Variants in EIPR1 observed in about 807,000 individuals in gnomAD.
EIPR1 encodes the protein EARP and GARP complex-interacting protein 1.
Under a neutral mutation model 48.1 loss-of-function variants are expected in EIPR1, and 25 were observed. The ratio of observed to expected loss-of-function variants is 0.52; its 90% CI spans 0.38 to 0.73. The LOEUF (loss-of-function observed/expected upper bound fraction) is 0.73, where lower values mean the gene tolerates loss of function less well. Among genes scored for constraint, EIPR1 ranks in the 30% least tolerant of loss-of-function variants. The pLI is 0.00. For missense variants in EIPR1, 415 were observed against 506.2 expected (o/e 0.82, Z 1.73); for synonymous variants, 204 against 201.9 (o/e 1.01, Z -0.09).
At chr2:3,221,011 T>C (rs13023227) in intron 4 of EIPR1, among the ~76,000 whole-genome samples, 17,418 of 27,382 alleles carry the variant, frequency 0.64, 5,436 homozygotes, top group Middle Eastern at 0.72. Context: ...CAGGAACACA[T>C]GCACACAATG....
intron 1 of EIPR1, among the ~76,000 whole-genome samples, chr2:3,369,430 G>C (rs1239532617): frequency 6.6e-6 from 1 of 152,200 alleles, no homozygotes; most frequent in Admixed American, 6.5e-5. Flanking sequence ...AGCAGGGCGA[G>C]GCATTGCCTC....
intron 3 of EIPR1, among the ~76,000 whole-genome samples, chr2:3,336,699 C>A (rs576925508): frequency 1.3e-5 from 2 of 151,900 alleles, no homozygotes; most frequent in Non-Finnish European, 2.9e-5. Context: ...ACCTGGGAGG[C>A]AGAGGTTGCA....
intron 8 of EIPR1, among the ~76,000 whole-genome samples, chr2:3,190,370 C>T (rs1192591067): frequency 6.6e-6 from 1 of 152,226 alleles, no homozygotes; most frequent in Admixed American, 6.5e-5. Context: ...ACCCCCCCAG[C>T]AAGACGGACC....
chr2:3,270,597 G>A (rs960238671), intron 3 of EIPR1, among the ~76,000 whole-genome samples: 20 of 152,154 alleles, frequency 1.3e-4, no homozygotes, highest in African/African-American at 4.8e-4. Context: ...AAGTTATGCT[G>A]ACACTATAAT....
At chr2:3,246,309 G>C (rs1666792585) in intron 4 of EIPR1, among the ~76,000 whole-genome samples, 1 of 152,082 alleles carries the variant, frequency 6.6e-6, no homozygotes, top group Admixed American at 6.5e-5. Flanking sequence ...CCACTGTTCT[G>C]TCATACTAAA....
At chr2:3,203,235 G>A (rs1665110769) in intron 5 of EIPR1, among the ~76,000 whole-genome samples, 4 of 152,206 alleles carry the variant, frequency 2.6e-5, no homozygotes, top group South Asian at 2.1e-4. Flanking sequence ...TGATAATAAC[G>A]TACGTTGAGA....
intron 5 of EIPR1, among the ~76,000 whole-genome samples, chr2:3,213,159 C>T (rs1665516609): frequency 6.6e-6 from 1 of 152,186 alleles, no homozygotes; most frequent in Admixed American, 6.5e-5. Flanking sequence ...CCAATGGATG[C>T]TTGCGCAATC....
chr2:3,269,490 T>TCAATCATCG (rs1384273249), intron 3 of EIPR1, among the ~76,000 whole-genome samples: 1 of 145,262 alleles, frequency 6.9e-6, no homozygotes, highest in African/African-American at 2.6e-5. Flanking sequence ...GTCATCGCAC[T>TCAATCATCG]CAATCATCGC....
At chr2:3,199,493 C>T (rs1664937291) in intron 5 of EIPR1, among the ~76,000 whole-genome samples, 2 of 152,198 alleles carry the variant, frequency 1.3e-5, no homozygotes, top group South Asian at 2.1e-4. Context: ...TTCAGCAGGT[C>T]CCTCTGTTCG....
intron 5 of EIPR1, 91 bp downstream of exon 5, chr2:3,214,058 T>A (rs1164852227): frequency 1.1e-5 from 13 of 1,201,644 alleles, no homozygotes; most frequent in Non-Finnish European, 3.6e-6. Context: ...GTCCAAGTGA[T>A]CTCATTGTTC....
chr2:3,303,462 C>T (rs1668818887), intron 3 of EIPR1, among the ~76,000 whole-genome samples: 1 of 152,246 alleles, frequency 6.6e-6, no homozygotes. Context: ...GGCACTGCTG[C>T]CACCTCGACC....
At chr2:3,348,199 G>C (rs915418762) in intron 2 of EIPR1, among the ~76,000 whole-genome samples, 2 of 152,174 alleles carry the variant, frequency 1.3e-5, no homozygotes, top group South Asian at 4.1e-4. Flanking sequence ...CGTTAGCCAG[G>C]GGAGGAAACG....
chr2:3,259,879 G>C (rs1572367166), intron 3 of EIPR1, among the ~76,000 whole-genome samples: 1 of 152,088 alleles, frequency 6.6e-6, no homozygotes, highest in East Asian at 1.9e-4. Flanking sequence ...CCATATGAAA[G>C]AAAATAAACT....
intron 1 of EIPR1, among the ~76,000 whole-genome samples, chr2:3,361,339 G>T (rs1442040497): frequency 6.6e-6 from 1 of 152,060 alleles, no homozygotes; most frequent in East Asian, 1.9e-4. Context: ...TGCAAGGAAA[G>T]AACTCACTTC....
intron 3 of EIPR1, among the ~76,000 whole-genome samples, chr2:3,283,746 C>A (rs1471103311): frequency 6.6e-6 from 1 of 152,118 alleles, no homozygotes; most frequent in African/African-American, 2.4e-5. Context: ...GAGTTCAAGA[C>A]CAGCCTGGCC....
intron 6 of EIPR1, 84 bp from the exon 7 acceptor site, chr2:3,194,250 C>T (rs1188664237): frequency 3.9e-6 from 6 of 1,538,416 alleles, no homozygotes; most frequent in Non-Finnish European, 5.3e-6. Flanking sequence ...CACTGGTTTC[C>T]CGGGACCCTG....
At chr2:3,213,119 T>C (rs1055680936) in intron 5 of EIPR1, among the ~76,000 whole-genome samples, 3 of 152,158 alleles carry the variant, frequency 2.0e-5, no homozygotes, top group Admixed American at 6.5e-5. Flanking sequence ...CAAATAAATA[T>C]AAGATGAGGC....
chr2:3,290,073 A>G (rs1446739208), intron 3 of EIPR1, among the ~76,000 whole-genome samples: 2 of 152,188 alleles, frequency 1.3e-5, no homozygotes, highest in South Asian at 2.1e-4. Context: ...CACAAATTAC[A>G]CATTTTCTTT....
At position 3,212,898 on chromosome 2, in the gene EIPR1, C is replaced by T. The variant is rs535450370; in HGVS notation, c.516+1251G>A. On this transcript the variant is annotated intron_variant, in intron 5 of 8. Transcript: ENST00000382125. ...TGGGTGAACGCCCAACACTTAATTC[C>T]GCGGTGAAGGCTGTGAGACTCCCTT... Among the ~76,000 whole-genome samples, 161 of 152,290 alleles carry T rather than the reference C, an allele frequency of 1.1e-3. No individual in the cohort carries two copies. In the Middle Eastern group the frequency reaches 0.024, roughly 23 times the overall value.
Sources: gnomAD v4.1 joint callset for allele counts (sites outside exome capture counted in the v4.1 genomes callset) on GRCh38, gnomAD v4.1.1 for gene constraint, MANE v1.5 for transcripts, NCBI Gene and HGNC (gene_info 2026-07-23, HGNC 2026-07-21) for gene names.